Variants in HERC1 observed in about 807,000 individuals in gnomAD.
HERC1 encodes the protein HECT and RLD domain containing E3 ubiquitin protein ligase family member 1, also known as probable E3 ubiquitin-protein ligase HERC1.
A neutral mutation model predicts 554.3 loss-of-function variants in HERC1; 160 were observed. That is an observed-to-expected ratio of 0.29 (90% CI 0.25 to 0.33). The LOEUF (loss-of-function observed/expected upper bound fraction) is 0.33. HERC1 is among the 10% of genes least tolerant of loss of function. The pLI is 1.00. For synonymous variants in HERC1, 2,175 were observed against 2,131.7 expected, an observed-to-expected ratio of 1.02 and a Z score of -0.56; for missense variants, 4,919 against 5,918.5, an observed-to-expected ratio of 0.83 and a Z score of 5.54.
chr15:63,771,513 C>T (rs2075955452), intron 2 of HERC1, among the ~76,000 whole-genome samples: 1 of 151,846 alleles, frequency 6.6e-6, no homozygotes, highest in Admixed American at 6.6e-5. Flanking sequence ...TCACTGCAAC[C>T]TCCACCTCCC....
At chr15:63,657,259 GGTT>G (rs1429892440) in intron 48 of HERC1, among the ~76,000 whole-genome samples, 1 of 141,814 alleles carries the variant, frequency 7.1e-6, no homozygotes, top group East Asian at 1.9e-4. Flanking sequence ...TTTTGTCTTA[GGTT>G]TTTTTTTTTT....
intron 59 of HERC1, among the ~76,000 whole-genome samples, 177 bp from the exon 60 acceptor site, chr15:63,641,820 G>A (rs1031997845): frequency 6.6e-6 from 1 of 151,952 alleles, no homozygotes; most frequent in Non-Finnish European, 1.5e-5. Context: ...CCTAAATTTT[G>A]TCTAAGTAAA....
intron 8 of HERC1, among the ~76,000 whole-genome samples, chr15:63,752,136 A>T (rs1172059270): frequency 6.6e-6 from 1 of 152,248 alleles, no homozygotes; most frequent in Non-Finnish European, 1.5e-5. Context: ...TAATGTAATG[A>T]TGAATAGCTT....
chr15:63,623,027 C>T (rs2068154200), intron 73 of HERC1, 136 bp from the exon 74 acceptor site: 7 of 600,822 alleles, frequency 1.2e-5, no homozygotes, highest in Non-Finnish European at 1.7e-5. Context: ...CAATTTCATA[C>T]TTTATTTTTG....
chr15:63,651,243 T>C lies in HERC1; in HGVS notation c.10546+10A>G. 3 of 1,613,486 alleles carry C rather than the reference T, an allele frequency of 1.9e-6. No homozygotes were observed. Among genetic ancestry groups the C allele is most frequent in the Non-Finnish European group, 2.5e-6 (3 of 1,179,688 alleles). On this transcript the variant is annotated intron_variant, in intron 53 of 77. Transcript: ENST00000443617. The stretch of plus-strand genomic sequence containing the variant: ...TTTCAGCAGTTTACTAGTGTTTACA[T>C]GACTCTTACCATTAACTTGCCAGAT...
In HERC1 at chr15:63,754,650, T is replaced by C; in HGVS notation, c.1631-2A>G. 6.2e-7 allele frequency: 1 copy of C among 1,611,490 alleles called. No homozygotes were observed. The highest frequency in any genetic ancestry group is 8.5e-7 in the Non-Finnish European group (1 of 1,178,852). ...TACGACTATTGCTGTCACCATGACC[T>C]TGGATAAAACACACACAACAACAAA... On this transcript the variant is annotated splice_acceptor_variant, in intron 6 of 77. Coordinates refer to ENST00000443617, the MANE Select transcript of HERC1 (RefSeq NM_003922.4). LOFTEE classifies it high-confidence loss of function.
chr15:63,774,059 C>T (rs1353507878), intron 2 of HERC1, among the ~76,000 whole-genome samples: 2 of 152,180 alleles, frequency 1.3e-5, no homozygotes, highest in Non-Finnish European at 2.9e-5. Context: ...ATTCTGGTCT[C>T]TACTTTAATG....
Position 63,622,879 on chromosome 15 carries a change from C to T in HERC1, c.13624G>A (p.Gly4542Ser). 2 of 1,599,570 alleles carry T rather than the reference C, an allele frequency of 1.3e-6. No individual in the cohort carries two copies. The highest frequency in any genetic ancestry group is 1.7e-6 in the Non-Finnish European group (2 of 1,174,420). Reference protein sequence around the residue: ...ITEMCQELETGIVDLLIPSPN... With the variant: ...ITEMCQELETSIVDLLIPSPN... ...GAGGGTATAAGAAGGTCAACAATAC[C>T]AGTTTCAAGTTCCTGCAGAAGAAAG... Residue 4542 changes from glycine (G) to serine (S), a missense_variant, in exon 74 of 78, where the codon GGT becomes AGT. Coordinates refer to ENST00000443617, the MANE Select transcript of HERC1 (RefSeq NM_003922.4).
chr15:63,639,505 T>G (rs1361616350), intron 61 of HERC1, among the ~76,000 whole-genome samples: 1 of 152,202 alleles, frequency 6.6e-6, no homozygotes, highest in Non-Finnish European at 1.5e-5. Context: ...TCAGAACATA[T>G]CCCCATCATT....
chr15:63,673,456 G>A (rs2071036618), intron 38 of HERC1, among the ~76,000 whole-genome samples: 1 of 152,110 alleles, frequency 6.6e-6, no homozygotes, highest in Non-Finnish European at 1.5e-5. Flanking sequence ...AAAGAAGGAA[G>A]AACAATATAA....
chr15:63,789,326 G>A (rs1051956135), intron 1 of HERC1, among the ~76,000 whole-genome samples: 7 of 150,540 alleles, frequency 4.6e-5, no homozygotes, highest in Non-Finnish European at 7.4e-5. Context: ...TCCTGACCTC[G>A]TGATCCGCCC....
intron 33 of HERC1, 70 bp downstream of exon 33, chr15:63,689,519 G>T: frequency 1.2e-6 from 1 of 800,242 alleles, no homozygotes; most frequent in Non-Finnish European, 2.0e-6. Flanking sequence ...AGAGGAACAG[G>T]CATTCAGAGA....
intron 12 of HERC1, among the ~76,000 whole-genome samples, chr15:63,744,806 TG>T (rs1377599408): frequency 1.3e-5 from 2 of 152,168 alleles, no homozygotes; most frequent in Non-Finnish European, 2.9e-5. Flanking sequence ...AATCAAGTCC[TG>T]GAATCAGGGA....
At position 63,755,216 on chromosome 15, in the gene HERC1, T is replaced by A. The variant is rs960404052; in HGVS notation, c.1630+13A>T. 8.3e-6 allele frequency: 13 copies of A among 1,570,982 alleles called. No homozygotes were observed. The highest frequency in any genetic ancestry group is 1.1e-5 in the South Asian group (1 of 90,040). On this transcript the variant is annotated intron_variant, in intron 6 of 77. Coordinates refer to ENST00000443617, the MANE Select transcript of HERC1 (RefSeq NM_003922.4). Reference sequence around the variant, plus strand: ...TTTCTAGAAGAATAACTTACATTTTTAAAAAATCTTACCTAATCTTCCAAA... The same window carrying A: ...TTTCTAGAAGAATAACTTACATTTTAAAAAAATCTTACCTAATCTTCCAAA...
At chr15:63,771,186 C>T (rs1386898137) in intron 2 of HERC1, among the ~76,000 whole-genome samples, 2 of 150,420 alleles carry the variant, frequency 1.3e-5, no homozygotes, top group Non-Finnish European at 3.0e-5. Flanking sequence ...AAAACTCTAC[C>T]TCAAAAAAAA....
At chr15:63,649,622 CAAGAT>C (rs1404548042) in intron 54 of HERC1, 98 bp downstream of exon 54, 1 of 898,852 alleles carries the variant, frequency 1.1e-6, no homozygotes, top group Non-Finnish European at 1.7e-6. Context: ...AAAACAAAGC[CAAGAT>C]AATATTCACT....
At chr15:63,714,725 C>A (rs901419382) in intron 22 of HERC1, among the ~76,000 whole-genome samples, 1 of 151,412 alleles carries the variant, frequency 6.6e-6, no homozygotes, top group African/African-American at 2.4e-5. Flanking sequence ...TTTTTTGTAT[C>A]TTTAGTAGAG....
intron 40 of HERC1, among the ~76,000 whole-genome samples, chr15:63,668,096 T>G (rs1242211475): frequency 1.3e-5 from 2 of 152,056 alleles, no homozygotes; most frequent in Admixed American, 6.6e-5. Flanking sequence ...ATAATAAAAC[T>G]TATTTAATTC....
intron 46 of HERC1, among the ~76,000 whole-genome samples, chr15:63,660,385 G>A (rs2070294084): frequency 6.6e-6 from 1 of 152,108 alleles, no homozygotes; most frequent in Admixed American, 6.6e-5. Flanking sequence ...TGGACTGAAA[G>A]TCCAGTGACC....
Sources: allele counts gnomAD v4.1 joint callset (sites outside exome capture counted in the v4.1 genomes callset), GRCh38; gene constraint gnomAD v4.1.1; transcripts MANE v1.5; gene names NCBI Gene and HGNC (gene_info 2026-07-23, HGNC 2026-07-21).